The following GRIP1 variants were observed in gnomAD, a reference collection of about 807,000 sequenced individuals.
The protein encoded by GRIP1 is glutamate receptor interacting protein 1.
In GRIP1, 45 loss-of-function variants were observed where a neutral mutation model predicts 129.9. The observed-to-expected ratio is 0.35, with a 90% CI of 0.27 to 0.44. The LOEUF is 0.44. Ranked by LOEUF, GRIP1 falls within the 20% of genes least tolerant of loss-of-function variation. The pLI, the probability that GRIP1 is intolerant of heterozygous loss-of-function variation, is 1.00. For missense variants in GRIP1, 1,196 were observed against 1,396.8 expected, an observed-to-expected ratio of 0.86 and a Z score of 2.29; for synonymous variants, 530 against 520.8, an observed-to-expected ratio of 1.02 and a Z score of -0.24.
At chr12:67,043,814 A>C (rs2043213887) in intron 1 of GRIP1, among the ~76,000 whole-genome samples, 1 of 152,234 alleles carries the variant, frequency 6.6e-6, no homozygotes, top group African/African-American at 2.4e-5. Context: ...TATATTTATT[A>C]CTTAGTTATG....
intron 1 of GRIP1, among the ~76,000 whole-genome samples, chr12:67,014,289 CT>C (rs2135723647): frequency 6.6e-6 from 1 of 152,268 alleles, no homozygotes; most frequent in South Asian, 2.1e-4. Context: ...TAACAAAGTT[CT>C]CTTTCACTTC....
At chr12:66,446,263 A>G (rs920335500) in intron 11 of GRIP1, among the ~76,000 whole-genome samples, 2 of 151,606 alleles carry the variant, frequency 1.3e-5, no homozygotes, top group Non-Finnish European at 2.9e-5. Flanking sequence ...TCTTATTTCC[A>G]TTCTGAACTC....
chr12:66,437,374 GGA>G (rs67343122), intron 13 of GRIP1, among the ~76,000 whole-genome samples: 100,566 of 151,906 alleles, frequency 0.66, 34,501 homozygotes, highest in Non-Finnish European at 0.77. Flanking sequence ...GGGCTCAGCG[GGA>G]GAATATCGGT....
intron 23 of GRIP1, among the ~76,000 whole-genome samples, chr12:66,357,897 T>G (rs1436597245): frequency 6.6e-6 from 1 of 152,156 alleles, no homozygotes; most frequent in Non-Finnish European, 1.5e-5. Flanking sequence ...TCAATGCATT[T>G]TTTGTTTGTG....
At chr12:66,937,623 A>G (rs2041508336) in intron 1 of GRIP1, among the ~76,000 whole-genome samples, 1 of 152,216 alleles carries the variant, frequency 6.6e-6, no homozygotes, top group African/African-American at 2.4e-5. Context: ...ACAGAATGCT[A>G]TTCATCACAG....
chr12:66,519,361 C>T (rs1592470595), intron 5 of GRIP1, among the ~76,000 whole-genome samples: 1 of 152,244 alleles, frequency 6.6e-6, no homozygotes, highest in East Asian at 1.9e-4. Flanking sequence ...TTAAATGTTA[C>T]CACAAATGCT....
chr12:66,678,120 T>C (rs2034424727), intron 1 of GRIP1, among the ~76,000 whole-genome samples: 1 of 152,142 alleles, frequency 6.6e-6, no homozygotes, highest in African/African-American at 2.4e-5. Context: ...TGCAATAGAA[T>C]GCTCACAAAG....
chr12:67,016,615 G>C (rs1306743158), intron 1 of GRIP1, among the ~76,000 whole-genome samples: 2 of 151,974 alleles, frequency 1.3e-5, no homozygotes, highest in East Asian at 3.9e-4. Context: ...ATCTTAACTA[G>C]AGTTAAGAAT....
At chr12:66,631,999 T>A (rs760184454) in intron 1 of GRIP1, among the ~76,000 whole-genome samples, 19 of 152,120 alleles carry the variant, frequency 1.2e-4, no homozygotes, top group Non-Finnish European at 2.1e-4. Context: ...ACTGAGAGGA[T>A]CTCAGGAGCC....
Position 66,350,469 on chromosome 12 carries a change from C to T in GRIP1, c.3160-1223G>A, listed in dbSNP as rs562375400. Among the ~76,000 whole-genome samples the T allele has an allele frequency of 8.3e-4, 127 of 152,292 alleles. 2 individuals carry two copies. The South Asian group carries it at 0.026, about 31-fold the overall frequency. ...GAGCCAAGATCACGCCACTGCACTCCAGCCTGGATGACAAGAGAGAAACTC... is the reference window on the plus strand; with the variant it reads ...GAGCCAAGATCACGCCACTGCACTCTAGCCTGGATGACAAGAGAGAAACTC... On this transcript the variant is annotated intron_variant, in intron 24 of 24. Coordinates refer to ENST00000359742, the MANE Select transcript of GRIP1 (RefSeq NM_001366722.1).
intron 1 of GRIP1, among the ~76,000 whole-genome samples, chr12:67,034,866 A>T (rs1296275674): frequency 6.6e-6 from 1 of 152,220 alleles, no homozygotes; most frequent in Non-Finnish European, 1.5e-5. Flanking sequence ...TATGCAGCAC[A>T]TGACTGCATT....
upstream of GRIP1, among the ~76,000 whole-genome samples, chr12:66,804,777 A>G (rs1188159346): frequency 1.7e-4 from 26 of 152,278 alleles, no homozygotes. Flanking sequence ...TTGAAAAGCT[A>G]TTGTTTTGCA....
chr12:66,730,671 C>T (rs114366488), intron 1 of GRIP1, among the ~76,000 whole-genome samples: 1,635 of 116,482 alleles, frequency 0.014, 31 homozygotes, highest in African/African-American at 0.048. Context: ...GGATACTAGT[C>T]CAAAAATAAG....
chr12:66,371,586 G>T, intron 23 of GRIP1, 108 bp downstream of exon 23: 2 of 783,844 alleles, frequency 2.6e-6, no homozygotes, highest in South Asian at 1.4e-5. Context: ...TTCTTTGCTT[G>T]GCTGAGCCCA....
At chr12:66,469,561 C>T (rs1429152266) in intron 7 of GRIP1, among the ~76,000 whole-genome samples, 1 of 152,016 alleles carries the variant, frequency 6.6e-6, no homozygotes, top group Non-Finnish European at 1.5e-5. Context: ...ATGAAGCTTC[C>T]ACATTAAGAA....
intron 8 of GRIP1, among the ~76,000 whole-genome samples, chr12:66,464,475 A>C (rs1455230298): frequency 6.6e-6 from 1 of 152,198 alleles, no homozygotes; most frequent in East Asian, 1.9e-4. Flanking sequence ...TATTGTAAAA[A>C]ATATTTTAAA....
At chr12:66,911,515 T>C (rs1296164431) in intron 1 of GRIP1, among the ~76,000 whole-genome samples, 1 of 151,810 alleles carries the variant, frequency 6.6e-6, no homozygotes, top group East Asian at 1.9e-4. Context: ...TCCATGTAAC[T>C]AAGAAAAAAA....
chr12:66,832,227 C>A (rs2039532432), intron 1 of GRIP1, among the ~76,000 whole-genome samples: 1 of 152,148 alleles, frequency 6.6e-6, no homozygotes, highest in African/African-American at 2.4e-5. Context: ...GTTTGCAATA[C>A]CTCTAGAGAA....
intron 16 of GRIP1, among the ~76,000 whole-genome samples, chr12:66,399,182 A>G (rs1266826764): frequency 6.6e-6 from 1 of 151,940 alleles, no homozygotes; most frequent in Non-Finnish European, 1.5e-5. Flanking sequence ...TTGTGGGGAC[A>G]AGCAAACCTA....
Sources: gnomAD v4.1 joint callset for allele counts (sites outside exome capture counted in the v4.1 genomes callset) on GRCh38, gnomAD v4.1.1 for gene constraint, MANE v1.5 for transcripts, NCBI Gene and HGNC (gene_info 2026-07-23, HGNC 2026-07-21) for gene names.